Variants in IQSEC3 observed in about 807,000 individuals in gnomAD.
IQSEC3 encodes IQ motif and Sec7 domain ArfGEF 3, also known as IQ motif and SEC7 domain-containing protein 3.
In IQSEC3, 50 loss-of-function variants were observed where a neutral mutation model predicts 105.4. The observed-to-expected ratio is 0.47, with a 90% CI of 0.38 to 0.60. IQSEC3 has a LOEUF of 0.60. IQSEC3 is among the 20% of genes least tolerant of loss of function. The pLI is 0.00. For missense variants in IQSEC3, 1,415 were observed against 1,630.0 expected, an observed-to-expected ratio of 0.87 and a Z score of 2.27; for synonymous variants, 708 against 746.0, an observed-to-expected ratio of 0.95 and a Z score of 0.83.
intron 2 of IQSEC3, among the ~76,000 whole-genome samples, chr12:114,127 A>T (rs895998337): frequency 6.6e-6 from 1 of 152,214 alleles, no homozygotes; most frequent in Admixed American, 6.5e-5. Context: ...AAAGGTGTCC[A>T]GCATCTAGTA....
At chr12:140,795 G>A (rs1165002406) in intron 4 of IQSEC3, 11 of 275,406 alleles carry the variant, frequency 4.0e-5, no homozygotes, top group Admixed American at 1.5e-4. Flanking sequence ...GGGCGTCTGC[G>A]GTGGGGACCT....
intron 2 of IQSEC3, among the ~76,000 whole-genome samples, chr12:121,477 C>T (rs1214623831): frequency 2.0e-5 from 3 of 152,138 alleles, no homozygotes; most frequent in Non-Finnish European, 4.4e-5. Context: ...AGCTCAAATC[C>T]ACACTGACAA....
At chr12:146,660 G>GAAGA (rs368692337) in intron 5 of IQSEC3, among the ~76,000 whole-genome samples, 1,637 of 138,864 alleles carry the variant, frequency 0.012, 37 homozygotes, top group African/African-American at 0.041. Context: ...TCTCAAAAAA[G>GAAGA]AAGAAAGAAA....
intron 1 of IQSEC3, among the ~76,000 whole-genome samples, chr12:72,454 AT>A (rs1209740619): frequency 7.2e-6 from 1 of 139,264 alleles, no homozygotes; most frequent in South Asian, 2.3e-4. Flanking sequence ...AAGCCTGAAC[AT>A]TTTTTTTCAC....
chr12:150,956 CCAG>C (rs1866484777), intron 5 of IQSEC3, among the ~76,000 whole-genome samples: 1 of 151,506 alleles, frequency 6.6e-6, no homozygotes, highest in African/African-American at 2.4e-5. Flanking sequence ...CTCCGTCTCT[CCAG>C]CATGTGTCTG....
intron 5 of IQSEC3, among the ~76,000 whole-genome samples, chr12:149,906 C>T (rs782237552): frequency 1.2e-4 from 18 of 152,144 alleles, no homozygotes; most frequent in Non-Finnish European, 2.2e-4. Context: ...CTTTGCTTTG[C>T]TGAGAAACTT....
rs1412007406 is a variant in IQSEC3, at chr12:73,130, C to T, written c.554+5694C>T. 4.0e-5 allele frequency among the ~76,000 whole-genome samples: 6 copies of T among 151,744 alleles called. No homozygotes were observed. In the East Asian group the frequency reaches 1.2e-3, roughly 29 times the overall value. ...AATCAGGAGTAAGGCAAGGGCAAAG[C>T]TAAATCTTTCAGGCTGAAAGGAATT... On this transcript the variant is annotated intron_variant, in intron 1 of 13. Transcript: ENST00000538872.
At chr12:170,671 C>T (rs1259561726) in intron 12 of IQSEC3, among the ~76,000 whole-genome samples, 5 of 152,220 alleles carry the variant, frequency 3.3e-5, no homozygotes, top group African/African-American at 9.6e-5. Flanking sequence ...CCCGGCACTG[C>T]GGTGAGTGCT....
chr12:108,438 G>A (rs1023299790), intron 2 of IQSEC3, among the ~76,000 whole-genome samples: 1 of 152,204 alleles, frequency 6.6e-6, no homozygotes, highest in Non-Finnish European at 1.5e-5. Flanking sequence ...AGGTTTGTTT[G>A]TTTCCATCAA....
intron 2 of IQSEC3, among the ~76,000 whole-genome samples, chr12:119,308 A>G (rs1555081343): frequency 6.6e-6 from 1 of 152,102 alleles, no homozygotes; most frequent in Admixed American, 6.5e-5. Context: ...CATATGGAAA[A>G]TACTCCATGA....
chr12:156,959 C>T lies in IQSEC3; in HGVS notation c.2154-66C>T, dbSNP rs999950180. 3.5e-5 allele frequency: 51 copies of T among 1,440,760 alleles called. No individual in the cohort carries two copies. In the African/African-American group the frequency reaches 5.9e-4, roughly 17 times the overall value. 89.2% of individuals were successfully genotyped at this position (1,440,760 alleles called of 1,614,324 possible). ...TGTCCTGGCTGGGAACAGAGGCCAG[C>T]GAGAATGGGTGTTGGAGGGTGCTTA... On this transcript the variant is annotated intron_variant, in intron 5 of 13. Coordinates refer to ENST00000538872, the MANE Select transcript of IQSEC3 (RefSeq NM_001170738.2).
intron 1 of IQSEC3, among the ~76,000 whole-genome samples, chr12:89,845 A>G (rs559023388): frequency 6.6e-6 from 1 of 152,346 alleles, no homozygotes; most frequent in South Asian, 2.1e-4. Flanking sequence ...TTTGCCAGTT[A>G]GTGGACATTT....
rs782335400 is a variant in IQSEC3 at position 138,747 on chromosome 12, G to A, written c.1384G>A (p.Gly462Arg). The change falls in exon 4 of 14, where the codon GGG becomes AGG. Residue 462 changes from glycine to arginine, a missense_variant. This residue lies in a region of IQSEC3 where 720 missense variants were observed against 633.0 expected (regional missense o/e 1.14). Transcript: ENST00000538872. The surrounding 1 kb of genome is among the most constrained non-coding windows in gnomAD (Gnocchi z 7.1). ...EGRAPESAGP[G>R]PGDDAAETPG... ...GCGGGCGCCGGAGAGCGCGGGCCCCGGGCCCGGGGATGACGCCGCGGAGAC... is the reference window on the plus strand; with the variant it reads ...GCGGGCGCCGGAGAGCGCGGGCCCCAGGCCCGGGGATGACGCCGCGGAGAC... The A allele has an allele frequency of 3.3e-6, 5 of 1,532,970 alleles. No individual in the cohort carries two copies. Among genetic ancestry groups the A allele is most frequent in the South Asian group, 2.4e-5 (2 of 82,702 alleles). 95.0% of individuals were successfully genotyped at this position (1,532,970 alleles called of 1,614,324 possible).
At chr12:80,138 A>G (rs1321306244) in intron 1 of IQSEC3, among the ~76,000 whole-genome samples, 1 of 152,210 alleles carries the variant, frequency 6.6e-6, no homozygotes, top group African/African-American at 2.4e-5. Flanking sequence ...GGGAGGAAGC[A>G]GGTATGATTG....
chr12:107,773 T>G (rs117214385), intron 2 of IQSEC3, among the ~76,000 whole-genome samples: 3,426 of 152,248 alleles, frequency 0.023, 70 homozygotes, highest in Non-Finnish European at 0.032. Flanking sequence ...ACCCACACAC[T>G]TGTTTAACAA....
intron 4 of IQSEC3, 153 bp from the exon 5 acceptor site, chr12:140,971 A>C: frequency 1.4e-6 from 1 of 715,812 alleles, no homozygotes; most frequent in Non-Finnish European, 2.3e-6. Flanking sequence ...GCGTGAGGAC[A>C]TTCAGTGGGT....
intron 1 of IQSEC3, among the ~76,000 whole-genome samples, chr12:89,081 G>A (rs1450728050): frequency 1.3e-5 from 2 of 152,088 alleles, no homozygotes; most frequent in Admixed American, 6.5e-5. Context: ...AGTAGGGGCT[G>A]GGTCTGCATC....
chr12:152,617 C>T lies in IQSEC3; in HGVS notation c.2154-4408C>T, dbSNP rs185814998. Among the ~76,000 whole-genome samples the T allele has an allele frequency of 1.8e-4, 27 of 152,244 alleles. No homozygotes were observed. Among genetic ancestry groups the T allele is most frequent in the African/African-American group, 5.5e-4 (23 of 41,538 alleles). ...CTTGAGAAGATGAGGTCATTGCACA[C>T]ATAGTGAAGCACTTAGAGCCATACT... On this transcript the variant is annotated intron_variant, in intron 5 of 13. Coordinates refer to ENST00000538872, the MANE Select transcript of IQSEC3 (RefSeq NM_001170738.2). The surrounding 1 kb of genome is among the most constrained non-coding windows in gnomAD (Gnocchi z 4.8).
chr12:94,686 T>C (rs1428111810), intron 1 of IQSEC3, among the ~76,000 whole-genome samples: 1 of 152,218 alleles, frequency 6.6e-6, no homozygotes, highest in African/African-American at 2.4e-5. Flanking sequence ...TCTGGGGACC[T>C]GGGAGGACCA....
Sources: allele counts gnomAD v4.1 joint callset (sites outside exome capture counted in the v4.1 genomes callset), GRCh38; gene constraint gnomAD v4.1.1; regional missense constraint gnomAD v4.1.1; non-coding constraint Gnocchi (gnomAD v3.1); transcripts MANE v1.5; gene names NCBI Gene and HGNC (gene_info 2026-07-23, HGNC 2026-07-21).